RETREG1: variants seen among roughly 807,000 people sequenced by gnomAD.
RETREG1 encodes the protein family with sequence similarity 134 member B.
RETREG1 carries 44 observed loss-of-function variants against 54.8 expected under a neutral mutation model. The observed-to-expected ratio is 0.80, with a 90% confidence interval of 0.63 to 1.03. RETREG1 has a LOEUF of 1.03. RETREG1 is among the 50% of genes least tolerant of loss of function. The pLI is 0.00. For missense variants in RETREG1, 554 were observed against 605.1 expected, an observed-to-expected ratio of 0.92 and a Z score of 0.89; for synonymous variants, 217 against 238.5, an observed-to-expected ratio of 0.91 and a Z score of 0.83.
chr5:16,505,688 G>A (rs1739925660), intron 3 of RETREG1, among the ~76,000 whole-genome samples: 1 of 152,204 alleles, frequency 6.6e-6, no homozygotes, highest in African/African-American at 2.4e-5. Flanking sequence ...CCTCAGCCCA[G>A]GCTGCTTGCT....
chr5:16,604,705 C>T (rs555263106), intron 1 of RETREG1, among the ~76,000 whole-genome samples: 2 of 152,258 alleles, frequency 1.3e-5, no homozygotes, highest in South Asian at 2.1e-4. Context: ...CCGTCAGGAG[C>T]GTGGAGGTGG....
chr5:16,535,103 T>A (rs1292785857), intron 3 of RETREG1, among the ~76,000 whole-genome samples: 1 of 152,248 alleles, frequency 6.6e-6, no homozygotes, highest in African/African-American at 2.4e-5. Context: ...GGAATTCTAA[T>A]AAATTAGATT....
chr5:16,616,955 G>GGCGCCGGGCTCGC lies in RETREG1; in HGVS notation c.4_16dup (p.Pro6ArgfsTer139). On this transcript the variant is annotated frameshift_variant, in exon 1 of 9. Coordinates refer to ENST00000306320, the MANE Select transcript of RETREG1 (RefSeq NM_001034850.3). LOFTEE classifies it high-confidence loss of function. ...GCATCCCTCCTCGGCGTGCTCCGGA[G>GGCGCCGGGCTCGC]GCGCCGGGCTCGCCATCTTCAGCTG... 1 of 1,437,162 alleles carries GGCGCCGGGCTCGC rather than the reference G, an allele frequency of 7.0e-7. No homozygotes were observed. The highest frequency in any genetic ancestry group is 9.1e-7 in the Non-Finnish European group (1 of 1,097,842). The allele number at this position is 1,437,162 out of a possible 1,614,324, so 89.0% of individuals were successfully genotyped here. A position where few individuals can be genotyped will look rare whatever the true frequency, so the allele number is the denominator to read the frequency against.
intron 3 of RETREG1, among the ~76,000 whole-genome samples, chr5:16,490,002 G>A (rs1281586643): frequency 6.6e-6 from 1 of 152,132 alleles, no homozygotes; most frequent in Non-Finnish European, 1.5e-5. Flanking sequence ...ATATATCAAA[G>A]CTAAAATATT....
intron 3 of RETREG1, among the ~76,000 whole-genome samples, chr5:16,515,634 G>C (rs1303824893): frequency 6.6e-6 from 1 of 152,184 alleles, no homozygotes; most frequent in Non-Finnish European, 1.5e-5. Flanking sequence ...GAAGAAGGTA[G>C]TTGAGCCACT....
At chr5:16,567,967 A>T (rs554222514) in intron 2 of RETREG1, among the ~76,000 whole-genome samples, 10 of 142,456 alleles carry the variant, frequency 7.0e-5, no homozygotes, top group African/African-American at 3.0e-4. Context: ...TTCTAAAAAT[A>T]AACAAACAAA....
intron 3 of RETREG1, among the ~76,000 whole-genome samples, chr5:16,541,785 G>GAAGA (rs1741259603): frequency 6.8e-6 from 1 of 147,904 alleles, no homozygotes; most frequent in Non-Finnish European, 1.5e-5. Context: ...AGGAAGGAAG[G>GAAGA]AAGGAAGGAA....
intron 3 of RETREG1, among the ~76,000 whole-genome samples, chr5:16,532,488 T>G (rs569853625): frequency 6.6e-6 from 1 of 152,330 alleles, no homozygotes; most frequent in South Asian, 2.1e-4. Context: ...ATTGCACCAC[T>G]GCACTTGAGC....
intron 3 of RETREG1, among the ~76,000 whole-genome samples, chr5:16,491,859 C>CGAAAGAAAG (rs1260525531): frequency 6.6e-6 from 1 of 151,910 alleles, no homozygotes; most frequent in Non-Finnish European, 1.5e-5. Context: ...CCTGTCTCTA[C>CGAAAGAAAG]GAAAGAAAGG....
At chr5:16,492,521 A>G (rs948360744) in intron 3 of RETREG1, among the ~76,000 whole-genome samples, 1 of 151,894 alleles carries the variant, frequency 6.6e-6, no homozygotes, top group Non-Finnish European at 1.5e-5. Context: ...ACCATGACAA[A>G]CAGCTGCTGC....
At chr5:16,538,564 G>T (rs959978680) in intron 3 of RETREG1, among the ~76,000 whole-genome samples, 3 of 152,156 alleles carry the variant, frequency 2.0e-5, no homozygotes, top group African/African-American at 7.2e-5. Context: ...AAGGCACAGA[G>T]ATCCGAACTC....
Position 16,616,806 on chromosome 5 carries a change from G to A in RETREG1, c.166C>T (p.Gln56Ter), listed in dbSNP as rs1367469259. The part of the protein sequence containing the change: ...EAGAAEGAGL[Q>*]VEEAAGRAAA... ...GCCCGGCCCGCGGCCTCCTCCACCT[G>A]CAACCCCGCGCCCTCCGCCGCCCCA... Residue 56 changes from glutamine to a stop codon, truncating the protein, a stop_gained, in exon 1 of 9, where the codon CAG (glutamine) becomes TAG (stop). Coordinates refer to ENST00000306320, the MANE Select transcript of RETREG1 (RefSeq NM_001034850.3). LOFTEE classifies it high-confidence loss of function. 2 of 1,520,388 alleles carry A rather than the reference G, an allele frequency of 1.3e-6. No homozygotes were observed. Among genetic ancestry groups the A allele is most frequent in the Non-Finnish European group, 1.8e-6 (2 of 1,141,144 alleles). 94.2% of individuals were successfully genotyped at this position (1,520,388 alleles called of 1,614,324 possible).
chr5:16,530,077 C>T (rs946328442), intron 3 of RETREG1, among the ~76,000 whole-genome samples: 5 of 152,246 alleles, frequency 3.3e-5, no homozygotes, highest in Non-Finnish European at 7.3e-5. Context: ...TTCCCAGATG[C>T]TTATCCCAAT....
intron 3 of RETREG1, among the ~76,000 whole-genome samples, chr5:16,525,558 G>A (rs912425761): frequency 6.6e-6 from 1 of 152,122 alleles, no homozygotes. Context: ...AGGCTTAATC[G>A]GATGAGATGG....
At position 16,478,841 on chromosome 5, in the gene RETREG1, T is replaced by C. The variant is rs1468230571; in HGVS notation, c.808+9A>G. The C allele has an allele frequency of 2.5e-6, 4 of 1,610,596 alleles. No homozygotes were observed. Among genetic ancestry groups the C allele is most frequent in the Middle Eastern group, 1.7e-4 (1 of 6,016 alleles). ...CATGCATAGAATCTAAAATATAAAC[T>C]TTACCTACCAGATCTCTCACGTTTC... is the stretch of plus-strand genomic sequence containing the variant. On this transcript the variant is annotated intron_variant, in intron 6 of 8. Transcript: ENST00000306320.
intron 1 of RETREG1, among the ~76,000 whole-genome samples, chr5:16,615,488 G>C (rs184015631): frequency 6.6e-6 from 1 of 151,108 alleles, no homozygotes; most frequent in South Asian, 2.1e-4. Context: ...ACAGCCCTAA[G>C]ACTATTAGAC....
chr5:16,516,737 T>A (rs1217942627), intron 3 of RETREG1, among the ~76,000 whole-genome samples: 1 of 152,110 alleles, frequency 6.6e-6, no homozygotes, highest in Non-Finnish European at 1.5e-5. Flanking sequence ...GTTAAACATG[T>A]ACCTCTAAAT....
rs778601786 is a variant in RETREG1 at position 16,572,036 on chromosome 5, A to G, written c.387T>C (p.Ile129=). The change falls in exon 2 of 9, where the codon ATT becomes ATC. Residue 129 remains isoleucine, a synonymous_variant. Transcript: ENST00000306320. ...AAACCATATCCTTTATTATTTGCAT[A>G]ATAACACGCCCAAGTATCATGACGG... ...LISVMILGRV[I]MQIIKDMVLS... 1 of 1,613,808 alleles carries G rather than the reference A, an allele frequency of 6.2e-7. No individual in the cohort carries two copies. The highest frequency in any genetic ancestry group is 2.2e-5 in the East Asian group (1 of 44,874).
At chr5:16,560,256 A>C (rs982231822) in intron 3 of RETREG1, among the ~76,000 whole-genome samples, 1 of 152,210 alleles carries the variant, frequency 6.6e-6, no homozygotes, top group Admixed American at 6.5e-5. Context: ...TTTTGAAGGA[A>C]ATACTTTAAG....
Sources: gnomAD v4.1 joint callset for allele counts (sites outside exome capture counted in the v4.1 genomes callset) on GRCh38, gnomAD v4.1.1 for gene constraint, MANE v1.5 for transcripts, NCBI Gene and HGNC (gene_info 2026-07-23, HGNC 2026-07-21) for gene names.